The following TPR variants were observed in gnomAD, a reference collection of about 807,000 sequenced individuals.
TPR encodes nucleoprotein TPR.
Under a neutral mutation model 316.1 loss-of-function variants are expected in TPR, and 51 were observed. The observed-to-expected ratio is 0.16, with a 90% CI of 0.13 to 0.20. The LOEUF (loss-of-function observed/expected upper bound fraction) is 0.20, where lower values mean the gene tolerates loss of function less well. Ranked by LOEUF, TPR falls within the 10% of genes least tolerant of loss-of-function variation. TPR has a pLI of 1.00. For missense variants in TPR, 2,272 were observed against 2,754.8 expected (o/e 0.82, Z 3.92); for synonymous variants, 981 against 914.7 (o/e 1.07, Z -1.31).
In TPR at chr1:186,323,585, T is replaced by C. The variant is rs959950315; in HGVS notation, c.6297+101A>G. The C allele has an allele frequency of 4.2e-6, 5 of 1,194,970 alleles. No homozygotes were observed. The African/African-American group carries it at 8.0e-5, about 19-fold the overall frequency. 74.0% of individuals were successfully genotyped at this position (1,194,970 alleles called of 1,614,324 possible). A position where few individuals can be genotyped will look rare whatever the true frequency, so the allele number is the denominator to read the frequency against. On this transcript the variant is annotated intron_variant, in intron 43 of 50. Coordinates refer to ENST00000367478, the MANE Select transcript of TPR (RefSeq NM_003292.3). ...ACCAAAAAGTTCATGGGATTGCTAATTTAAAAAAACCAAGAGAGAGAGAGA... is the reference window on the plus strand; with the variant it reads ...ACCAAAAAGTTCATGGGATTGCTAACTTAAAAAAACCAAGAGAGAGAGAGA...
intron 22 of TPR, 31 bp from the exon 23 acceptor site, chr1:186,346,318 A>G: frequency 6.3e-7 from 1 of 1,577,470 alleles, no homozygotes; most frequent in Non-Finnish European, 8.6e-7. Context: ...TAGGATATAA[A>G]AATTACACAC....
chr1:186,337,145 T>G lies in TPR; in HGVS notation c.4374A>C (p.Thr1458=). Residue 1458 remains threonine, a synonymous_variant, in exon 32 of 51, where the codon ACA becomes ACC. Coordinates refer to ENST00000367478, the MANE Select transcript of TPR (RefSeq NM_003292.3). ...GATGGTCTCCAGAGGACTGAGCCGA[T>G]GTCTCCATAACCTAAGACAACAAAC... ...LKAQQDKVME[T]SAQSSGDHQE... The G allele has an allele frequency of 6.2e-7, 1 of 1,613,676 alleles. No individual in the cohort carries two copies. Among genetic ancestry groups the G allele is most frequent in the Non-Finnish European group, 8.5e-7 (1 of 1,179,730 alleles).
intron 20 of TPR, 135 bp from the exon 21 acceptor site, chr1:186,350,523 C>CA (rs200374611): frequency 3.6e-4 from 211 of 582,722 alleles, no homozygotes; most frequent in Middle Eastern, 9.7e-4. Context: ...CTGAAACAGC[C>CA]AAAAAAAACC....
chr1:186,324,454 ATTC>A (rs1657858603), intron 42 of TPR, among the ~76,000 whole-genome samples: 1 of 152,184 alleles, frequency 6.6e-6, no homozygotes, highest in African/African-American at 2.4e-5. Context: ...ATGTCTGGGT[ATTC>A]TTCTACATAC....
At chr1:186,345,102 GC>G (rs1558013788) in intron 24 of TPR, among the ~76,000 whole-genome samples, 2 of 135,112 alleles carry the variant, frequency 1.5e-5, no homozygotes, top group Non-Finnish European at 3.4e-5. Context: ...ATTATAAAAA[GC>G]TTCAATACTG....
intron 46 of TPR, among the ~76,000 whole-genome samples, chr1:186,319,409 C>A (rs1235833429): frequency 6.6e-6 from 1 of 152,102 alleles, no homozygotes; most frequent in Non-Finnish European, 1.5e-5. Flanking sequence ...GAGTATCCAA[C>A]TATGGATGTT....
chr1:186,315,809 C>G (rs1439168478), intron 49 of TPR, among the ~76,000 whole-genome samples: 1 of 149,930 alleles, frequency 6.7e-6, no homozygotes, highest in African/African-American at 2.5e-5. Context: ...CCTTGTTGAC[C>G]CTGAACACAA....
At chr1:186,370,168 C>T (rs1659477793) in intron 3 of TPR, among the ~76,000 whole-genome samples, 1 of 152,024 alleles carries the variant, frequency 6.6e-6, no homozygotes, top group African/African-American at 2.4e-5. Flanking sequence ...TTGATACTTC[C>T]TTTTTTTAGA....
At position 186,312,338 on chromosome 1, in the gene TPR, A is replaced by G. The variant is rs1203399370; in HGVS notation, c.*1633T>C. The G allele has an allele frequency of 1.9e-6, 3 of 1,609,542 alleles. No individual in the cohort carries two copies. The African/African-American group carries it at 4.0e-5, about 22-fold the overall frequency. Reference sequence around the variant, plus strand: ...CTCAAACACACACCATCAGAATTCAATATTCACCTGCCAGACTGGCTTATC... The same window carrying G: ...CTCAAACACACACCATCAGAATTCAGTATTCACCTGCCAGACTGGCTTATC... On this transcript the variant is annotated 3_prime_UTR_variant, in exon 51 of 51. Transcript: ENST00000367478.
Position 186,339,978 on chromosome 1 carries a change from T to A in TPR, c.4021-206A>T, listed in dbSNP as rs554398945. Among the ~76,000 whole-genome samples, 15 of 152,136 alleles carry A rather than the reference T, an allele frequency of 9.9e-5. No homozygotes were observed. In the South Asian group the frequency reaches 1.5e-3, roughly 15 times the overall value. ...CCCACAATACAAGAGGAAAAAAAAATAAAATGTCATTAAATGTTCATTATT... is the reference window on the plus strand; with the variant it reads ...CCCACAATACAAGAGGAAAAAAAAAAAAAATGTCATTAAATGTTCATTATT... On this transcript the variant is annotated intron_variant, in intron 29 of 50. Transcript: ENST00000367478.
intron 19 of TPR, 92 bp downstream of exon 19, chr1:186,351,884 A>G: frequency 7.0e-7 from 1 of 1,423,448 alleles, no homozygotes; most frequent in Non-Finnish European, 9.5e-7. Context: ...AAAGTGATGG[A>G]TAAATTTTCT....
At chr1:186,322,848 G>T in intron 43 of TPR, 1 of 432,738 alleles carries the variant, frequency 2.3e-6, no homozygotes, top group East Asian at 4.0e-5. Context: ...ACAGATCTAT[G>T]ATACCATCTT....
At chr1:186,344,636 G>A (rs1658621753) in intron 24 of TPR, 58 bp from the exon 25 acceptor site, 1 of 1,337,670 alleles carries the variant, frequency 7.5e-7, no homozygotes, top group Non-Finnish European at 9.8e-7. Flanking sequence ...AAACTAGTTA[G>A]CACTTGTCCA....
At chr1:186,336,414 T>C (rs187545447) in intron 33 of TPR, 82 bp downstream of exon 33, 619 of 1,336,250 alleles carry the variant, frequency 4.6e-4, no homozygotes, top group Non-Finnish European at 6.1e-4. Context: ...TAGATACCTT[T>C]TATTTCTATT....
Position 186,359,810 on chromosome 1 carries a change from G to T in TPR, c.1378C>A (p.Gln460Lys). The change falls in exon 12 of 51, where the codon CAA (glutamine) becomes AAA (lysine). Residue 460 changes from glutamine (Q) to lysine (K), a missense_variant. By Grantham distance (53) the Gln-to-Lys change is moderately conservative. Coordinates refer to ENST00000367478, the MANE Select transcript of TPR (RefSeq NM_003292.3). ...GGAATGGAACCAACCTTCATAGCTT[G>T]TTCAAGCTTAACAGATAAACTTGCT... ...AVASLSVKLE[Q>K]AMKEIQRLQE... is the part of the protein sequence containing the mutation. The T allele has an allele frequency of 1.3e-6, 2 of 1,582,214 alleles. No individual in the cohort carries two copies. Among genetic ancestry groups the T allele is most frequent in the Non-Finnish European group, 1.7e-6 (2 of 1,171,306 alleles).
At chr1:186,350,430 A>T (rs1658824881) in intron 20 of TPR, 42 bp from the exon 21 acceptor site, 1 of 1,399,378 alleles carries the variant, frequency 7.1e-7, no homozygotes, top group South Asian at 1.4e-5. Context: ...TAGGTTCCTA[A>T]GTAACTAAAG....
intron 26 of TPR, 105 bp downstream of exon 26, chr1:186,343,800 AC>A (rs1658591103): frequency 9.5e-7 from 1 of 1,048,088 alleles, no homozygotes; most frequent in Non-Finnish European, 1.3e-6. Flanking sequence ...AAAAGAATGA[AC>A]TTTATATCAA....
Position 186,343,491 on chromosome 1 carries a change from T to G in TPR, c.3603-18A>C, listed in dbSNP as rs756846947. ...GTATAAATCTACAAAAATACAGATA[T>G]TAAAATTTTATGTGAATTTTAAAAA... On this transcript the variant is annotated intron_variant, in intron 26 of 50. Coordinates refer to ENST00000367478, the MANE Select transcript of TPR (RefSeq NM_003292.3). 1.9e-6 allele frequency: 3 copies of G among 1,593,598 alleles called. No individual in the cohort carries two copies. The Admixed American group carries it at 5.5e-5, about 29-fold the overall frequency.
intron 30 of TPR, 63 bp from the exon 31 acceptor site, chr1:186,338,306 C>A: frequency 7.4e-7 from 1 of 1,359,214 alleles, no homozygotes; most frequent in Non-Finnish European, 1.0e-6. Flanking sequence ...AGTTTGAAGT[C>A]CAATGTAACT....
Sources: allele counts gnomAD v4.1 joint callset (sites outside exome capture counted in the v4.1 genomes callset), GRCh38; gene constraint gnomAD v4.1.1; transcripts MANE v1.5; gene names NCBI Gene and HGNC (gene_info 2026-07-23, HGNC 2026-07-21).